GFM1: variants seen among roughly 807,000 people sequenced by gnomAD.
GFM1 encodes G elongation factor mitochondrial 1, also known as elongation factor G, mitochondrial.
GFM1 carries 62 observed loss-of-function variants against 96.2 expected under a neutral mutation model. That is an observed-to-expected ratio of 0.64 (90% CI 0.53 to 0.80). The LOEUF is 0.80. Among genes scored for constraint, GFM1 ranks in the 30% least tolerant of loss-of-function variants. The pLI, the probability that GFM1 is intolerant of heterozygous loss-of-function variation, is 0.00. For missense variants in GFM1, 852 were observed against 916.6 expected (o/e 0.93, Z 0.91); for synonymous variants, 282 against 312.9 (o/e 0.90, Z 1.04).
At chr3:158,668,392 A>G (rs1179582711) in intron 13 of GFM1, among the ~76,000 whole-genome samples, 4 of 152,086 alleles carry the variant, frequency 2.6e-5, no homozygotes, top group Non-Finnish European at 4.4e-5. Flanking sequence ...TTTTCCCCCA[A>G]ATATTTTTGA....
chr3:158,669,866 T>A (rs1040954441), intron 13 of GFM1, among the ~76,000 whole-genome samples: 11 of 152,180 alleles, frequency 7.2e-5, no homozygotes. Context: ...CTTAAAACTT[T>A]CAGTATATTT....
At chr3:158,650,428 G>T (rs12633674) in intron 5 of GFM1, 38,936 of 231,522 alleles carry the variant, frequency 0.17, 3,546 homozygotes, top group South Asian at 0.24. Flanking sequence ...CAGAAGTAGA[G>T]ACTCTTAAAC....
At chr3:158,678,667 A>C (rs1725107499) in intron 13 of GFM1, among the ~76,000 whole-genome samples, 1 of 149,624 alleles carries the variant, frequency 6.7e-6, no homozygotes. Context: ...GATGGGATCT[A>C]CTCCTGTTGA....
At chr3:158,672,333 C>T (rs1404183638) in intron 13 of GFM1, 3 of 1,612,726 alleles carry the variant, frequency 1.9e-6, no homozygotes, top group Non-Finnish European at 2.5e-6. Flanking sequence ...CTGTCCACCA[C>T]CCCCTGCTAA....
chr3:158,679,097 C>T (rs1009106336), intron 13 of GFM1, among the ~76,000 whole-genome samples: 1 of 152,230 alleles, frequency 6.6e-6, no homozygotes, highest in African/African-American at 2.4e-5. Flanking sequence ...AGCTAAGACC[C>T]TCTAGGCTCC....
chr3:158,650,228 A>C, intron 5 of GFM1: 1 of 625,894 alleles, frequency 1.6e-6, no homozygotes, highest in Admixed American at 2.7e-5. Flanking sequence ...TTAGGATATA[A>C]GGCCCAGTAA....
At chr3:158,668,786 C>T (rs1242520367) in intron 13 of GFM1, among the ~76,000 whole-genome samples, 3 of 152,202 alleles carry the variant, frequency 2.0e-5, no homozygotes. Flanking sequence ...CCAAATCAAA[C>T]AACTTTTTAG....
intron 5 of GFM1, chr3:158,649,935 C>A: frequency 8.0e-7 from 1 of 1,246,036 alleles, no homozygotes; most frequent in African/African-American, 1.5e-5. Flanking sequence ...CTGATCTAGA[C>A]AATGTGAGGA....
At chr3:158,686,721 G>GTTGT (rs1725886070) in intron 15 of GFM1, among the ~76,000 whole-genome samples, 1 of 85,730 alleles carries the variant, frequency 1.2e-5, no homozygotes, top group Non-Finnish European at 2.1e-5. Flanking sequence ...TTGAATTGAG[G>GTTGT]TTTTTTTTTT....
rs200800335 is a variant in GFM1 at position 158,690,326 on chromosome 3, A to G, written c.2070+3A>G. On this transcript the variant is annotated splice_donor_region_variant and intron_variant, in intron 16 of 17. Transcript: ENST00000486715. ...ACTATTTTACACTGTATGCAGATGT[A>G]AGTAGTCTTGGTCATTGGCAGTCCT... 10 of 1,613,350 alleles carry G rather than the reference A, an allele frequency of 6.2e-6. No homozygotes were observed. The highest frequency in any genetic ancestry group is 8.5e-6 in the Non-Finnish European group (10 of 1,179,302).
intron 9 of GFM1, among the ~76,000 whole-genome samples, chr3:158,659,708 C>T (rs1436202262): frequency 6.6e-6 from 1 of 152,174 alleles, no homozygotes; most frequent in East Asian, 1.9e-4. Context: ...CTGAATTTGT[C>T]CCCTACCCCC....
At chr3:158,684,745 C>G (rs951252508) in intron 15 of GFM1, 77 bp downstream of exon 15, 2 of 1,471,608 alleles carry the variant, frequency 1.4e-6, no homozygotes, top group Non-Finnish European at 1.9e-6. Context: ...ACACTGTTTT[C>G]AGTCTTCTTC....
intron 5 of GFM1, chr3:158,650,596 A>G (rs1310591515): frequency 1.3e-5 from 2 of 153,284 alleles, no homozygotes; most frequent in Non-Finnish European, 2.9e-5. Flanking sequence ...TTGAAATTAA[A>G]ATCTGAAAGT....
intron 8 of GFM1, among the ~76,000 whole-genome samples, chr3:158,658,622 A>C (rs1722953423): frequency 6.6e-6 from 1 of 152,198 alleles, no homozygotes; most frequent in African/African-American, 2.4e-5. Flanking sequence ...GAAATGTTAG[A>C]AGGCAAAAGA....
Position 158,649,105 on chromosome 3 carries a change from G to C in GFM1, c.637G>C (p.Gly213Arg). The change falls in exon 5 of 18, where the codon GGT becomes CGT. Residue 213 changes from glycine to arginine, a missense_variant. Physicochemically the swap from Gly to Arg is moderately radical, Grantham distance 125 (BLOSUM62 -2). Transcript: ENST00000486715. ...IPMGLEGNFK[G>R]IVDLIEERAI... is the part of the protein sequence containing the mutation. ...CATGGGTTTGGAGGGTAATTTTAAA[G>C]GTATTGTAGATCTTATTGAGGAACG... 1 of 1,576,452 alleles carries C rather than the reference G, an allele frequency of 6.3e-7. No homozygotes were observed.
At chr3:158,690,879 G>A (rs558608458) in intron 16 of GFM1, among the ~76,000 whole-genome samples, 1 of 152,332 alleles carries the variant, frequency 6.6e-6, no homozygotes, top group Admixed American at 6.5e-5. Flanking sequence ...GGGATGAGGA[G>A]GGAAGGCTGT....
At chr3:158,665,017 A>G (rs1723523646) in intron 11 of GFM1, among the ~76,000 whole-genome samples, 1 of 152,150 alleles carries the variant, frequency 6.6e-6, no homozygotes, top group Non-Finnish European at 1.5e-5. Context: ...ACAGATTCCA[A>G]TTTCTGCTTT....
At chr3:158,688,749 G>A (rs1313012275) in intron 15 of GFM1, among the ~76,000 whole-genome samples, 1 of 152,164 alleles carries the variant, frequency 6.6e-6, no homozygotes, top group African/African-American at 2.4e-5. Context: ...TGAAGCATAG[G>A]AGTCTGCAGT....
At chr3:158,680,795 C>T (rs148596605) in intron 13 of GFM1, among the ~76,000 whole-genome samples, 1 of 152,096 alleles carries the variant, frequency 6.6e-6, no homozygotes, top group Non-Finnish European at 1.5e-5. Flanking sequence ...TTGGCACGCT[C>T]TCGATTATAA....
Sources: allele counts gnomAD v4.1 joint callset (sites outside exome capture counted in the v4.1 genomes callset), GRCh38; gene constraint gnomAD v4.1.1; transcripts MANE v1.5; gene names NCBI Gene and HGNC (gene_info 2026-07-23, HGNC 2026-07-21).